The following PCDHGA3 variants were observed in gnomAD, a reference collection of about 807,000 sequenced individuals.
PCDHGA3 encodes protocadherin gamma subfamily A, 3, also known as protocadherin gamma-A3.
Under a neutral mutation model 58.5 loss-of-function variants are expected in PCDHGA3, and 40 were observed. That is an observed-to-expected ratio of 0.68 (90% CI 0.53 to 0.89). The LOEUF (loss-of-function observed/expected upper bound fraction) is 0.89. Among genes scored for constraint, PCDHGA3 ranks in the 40% least tolerant of loss-of-function variants. The pLI, the probability that PCDHGA3 is intolerant of heterozygous loss-of-function variation, is 0.00. For missense variants in PCDHGA3, 1,223 were observed against 1,195.9 expected (o/e 1.02, Z -0.33); for synonymous variants, 530 against 525.7 (o/e 1.01, Z -0.11).
At chr5:141,389,911 G>A in intron 1 of PCDHGA3, 1 of 1,614,066 alleles carries the variant, frequency 6.2e-7, no homozygotes, top group South Asian at 1.1e-5. Flanking sequence ...ATCACTGACC[G>A]CCCCGACCCC....
At chr5:141,381,989 C>G (rs1013941230) in intron 1 of PCDHGA3, among the ~76,000 whole-genome samples, 13 of 151,916 alleles carry the variant, frequency 8.6e-5, no homozygotes, top group Admixed American at 7.2e-4. Flanking sequence ...GCCACCACGC[C>G]CGGATAATTT....
At chr5:141,505,592 A>G in intron 3 of PCDHGA3, 111 bp downstream of exon 3, 1 of 1,567,266 alleles carries the variant, frequency 6.4e-7, no homozygotes. Context: ...GTTTCTCCAG[A>G]TCTTTCGGCA....
At chr5:141,415,041 G>C in intron 1 of PCDHGA3, 2 of 1,613,530 alleles carry the variant, frequency 1.2e-6, no homozygotes, top group Non-Finnish European at 1.7e-6. Context: ...GACTCTTCGC[G>C]GTGGGGGAGC....
intron 1 of PCDHGA3, chr5:141,375,781 C>T (rs1381620623): frequency 6.2e-7 from 1 of 1,614,252 alleles, no homozygotes; most frequent in South Asian, 1.1e-5. Flanking sequence ...TGTACCCCGC[C>T]CTCCCCACAG....
Position 141,345,793 on chromosome 5 carries a change from T to A in PCDHGA3, c.1760T>A (p.Leu587Gln). The change falls in exon 1 of 4, where the codon CTG becomes CAG. Residue 587 changes from leucine (L) to glutamine (Q), a missense_variant. Transcript: ENST00000253812. ...CCTCGCTCCGCAGAGCCCGGCTACCTGGTGACCAAGGTGGTGGCGGTGGAC... is the reference window on the plus strand; with the variant it reads ...CCTCGCTCCGCAGAGCCCGGCTACCAGGTGACCAAGGTGGTGGCGGTGGAC... The part of the protein sequence containing the change: ...LAPRSAEPGY[L>Q]VTKVVAVDRD... 3 of 1,613,980 alleles carry A rather than the reference T, an allele frequency of 1.9e-6. No individual in the cohort carries two copies. Among genetic ancestry groups the A allele is most frequent in the Non-Finnish European group, 2.5e-6 (3 of 1,180,016 alleles).
chr5:141,375,048 G>A (rs1457528416), intron 1 of PCDHGA3: 4 of 1,614,022 alleles, frequency 2.5e-6, no homozygotes, highest in South Asian at 1.1e-5. Flanking sequence ...GTTGAAGCCC[G>A]GGATGGGCCA....
chr5:141,444,184 T>TG, intron 1 of PCDHGA3, among the ~76,000 whole-genome samples: 1 of 138,886 alleles, frequency 7.2e-6, no homozygotes, highest in South Asian at 2.4e-4. Flanking sequence ...TTTTTTTTTT[T>TG]TTTTGAGATG....
intron 1 of PCDHGA3, chr5:141,360,455 A>C (rs369787624): frequency 6.2e-7 from 1 of 1,613,862 alleles, no homozygotes; most frequent in Non-Finnish European, 8.5e-7. Context: ...CTGGATTTCG[A>C]TACTGTCGCT....
intron 1 of PCDHGA3, chr5:141,365,946 A>G (rs758519546): frequency 1.4e-5 from 22 of 1,614,020 alleles, no homozygotes; most frequent in Non-Finnish European, 1.9e-5. Flanking sequence ...GACAGTGGGA[A>G]CCCTCCACTT....
chr5:141,462,240 A>G (rs375419703), intron 1 of PCDHGA3, among the ~76,000 whole-genome samples: 2 of 152,216 alleles, frequency 1.3e-5, no homozygotes, highest in South Asian at 4.1e-4. Context: ...GATTACAGGT[A>G]TGAGCCACCA....
intron 1 of PCDHGA3, chr5:141,393,878 A>C: frequency 1.9e-6 from 3 of 1,614,022 alleles, no homozygotes; most frequent in Non-Finnish European, 2.5e-6. Context: ...TGTTTAGCCC[A>C]GTGTTAGAAA....
At chr5:141,433,363 CTA>C (rs2097590674) in intron 1 of PCDHGA3, 2 of 463,314 alleles carry the variant, frequency 4.3e-6, no homozygotes, top group African/African-American at 5.6e-5. Flanking sequence ...GTCTGCCTAT[CTA>C]TCTATCTATC....
At position 141,476,761 on chromosome 5, in the gene PCDHGA3, G is replaced by C. The variant is rs1293828206; in HGVS notation, c.2425-18046G>C. ...AGCCTAGTCTCCAGTTAGTGCTGAC[G>C]GCGTTGGACGGAGGGACCCCAGCTC... On this transcript the variant is annotated intron_variant, in intron 1 of 3. Transcript: ENST00000253812. This position sits in a 1 kb window ranked among gnomAD's most constrained non-coding sequence, Gnocchi z 7.6. 6.2e-7 allele frequency: 1 copy of C among 1,613,734 alleles called. No individual in the cohort carries two copies. Among genetic ancestry groups the C allele is most frequent in the East Asian group, 2.2e-5 (1 of 44,884 alleles).
At position 141,352,535 on chromosome 5, in the gene PCDHGA3, A is replaced by G. The variant is rs562907708; in HGVS notation, c.2424+6078A>G. 1.3e-4 allele frequency: 206 copies of G among 1,613,846 alleles called. No individual in the cohort carries two copies. The highest frequency in any genetic ancestry group is 5.3e-4 in the Admixed American group (32 of 59,996). Reference sequence around the variant, plus strand: ...ATGTATTGCCTCTCATTCTGCAAAGACAGAGTTTAATTCTCTCAACCTGAC... The same window carrying G: ...ATGTATTGCCTCTCATTCTGCAAAGGCAGAGTTTAATTCTCTCAACCTGAC... On this transcript the variant is annotated intron_variant, in intron 1 of 3. Transcript: ENST00000253812.
intron 1 of PCDHGA3, chr5:141,389,373 C>T (rs1561624770): frequency 3.1e-6 from 5 of 1,613,756 alleles, no homozygotes; most frequent in Non-Finnish European, 4.2e-6. Flanking sequence ...CCTGGAGCAG[C>T]GGGAGCTGTC....
rs780671252 is a variant in PCDHGA3, at chr5:141,398,519, C to G, written c.2424+52062C>G. 3.1e-6 allele frequency: 5 copies of G among 1,595,048 alleles called. No homozygotes were observed. The Admixed American group carries it at 6.8e-5, about 22-fold the overall frequency. On this transcript the variant is annotated intron_variant, in intron 1 of 3. Coordinates refer to ENST00000253812, the MANE Select transcript of PCDHGA3 (RefSeq NM_018916.4). ...ATCGAGGACATTAATGACCACACGC[C>G]AAAATTCACGCAAAATTCCTTTGAG...
At chr5:141,405,881 T>C (rs998587989) in intron 1 of PCDHGA3, among the ~76,000 whole-genome samples, 4 of 152,210 alleles carry the variant, frequency 2.6e-5, no homozygotes, top group Admixed American at 2.6e-4. Flanking sequence ...GGCCTAATTG[T>C]TGCTCCAACA....
chr5:141,502,577 A>G (rs1260539435), intron 2 of PCDHGA3, among the ~76,000 whole-genome samples: 2 of 152,192 alleles, frequency 1.3e-5, no homozygotes, highest in African/African-American at 4.8e-5. Context: ...TTATAAAAAT[A>G]TATTTTTATA....
In PCDHGA3 at chr5:141,413,469, G is replaced by A. The variant is rs766765319; in HGVS notation, c.2424+67012G>A. 5 of 1,614,012 alleles carry A rather than the reference G, an allele frequency of 3.1e-6. No individual in the cohort carries two copies. The African/African-American group carries it at 5.3e-5, about 17-fold the overall frequency. On this transcript the variant is annotated intron_variant, in intron 1 of 3. Transcript: ENST00000253812. ...CCGCGGGCAGGATAGACCGGGAGGA[G>A]CTCTGCGCTCAGAGCGCGCGGTGCG...
Sources: gnomAD v4.1 joint callset for allele counts (sites outside exome capture counted in the v4.1 genomes callset) on GRCh38, gnomAD v4.1.1 for gene constraint, Gnocchi (gnomAD v3.1) non-coding constraint, MANE v1.5 for transcripts, NCBI Gene and HGNC (gene_info 2026-07-23, HGNC 2026-07-21) for gene names.